Variants in COL4A2 observed in about 807,000 individuals in gnomAD.
COL4A2 encodes the protein collagen alpha-2(IV) chain.
Under a neutral mutation model 200.2 loss-of-function variants are expected in COL4A2, and 99 were observed. The observed-to-expected ratio is 0.49, with a 90% CI of 0.42 to 0.58. The LOEUF (loss-of-function observed/expected upper bound fraction) is 0.58, where lower values mean the gene tolerates loss of function less well. Ranked by LOEUF, COL4A2 falls within the 20% of genes least tolerant of loss-of-function variation. COL4A2 has a pLI of 0.00. For synonymous variants in COL4A2, 897 were observed against 900.6 expected (o/e 1.00, Z 0.07); for missense variants, 1,950 against 2,314.1 (o/e 0.84, Z 3.23).
chr13:110,345,994 C>T (rs553238880), intron 3 of COL4A2, among the ~76,000 whole-genome samples: 61 of 152,238 alleles, frequency 4.0e-4, no homozygotes, highest in Admixed American at 2.0e-3. Context: ...TGGGATCCTG[C>T]CCACACCCAG....
At chr13:110,361,647 A>G (rs768321847) in intron 4 of COL4A2, among the ~76,000 whole-genome samples, 1 of 152,250 alleles carries the variant, frequency 6.6e-6, no homozygotes, top group African/African-American at 2.4e-5. Context: ...TCATGTGACC[A>G]GTGAATGAGC....
chr13:110,437,894 G>A (rs2139466071), intron 13 of COL4A2, 108 bp from the exon 14 acceptor site: 1 of 893,756 alleles, frequency 1.1e-6, no homozygotes, highest in South Asian at 1.4e-5. Flanking sequence ...TGATGATTGT[G>A]TGAGGATTGA....
intron 47 of COL4A2, among the ~76,000 whole-genome samples, chr13:110,509,118 A>T (rs1490453090): frequency 6.6e-6 from 1 of 151,804 alleles, no homozygotes; most frequent in African/African-American, 2.4e-5. Context: ...TCTGTATACT[A>T]TTGTAGGGAG....
intron 4 of COL4A2, among the ~76,000 whole-genome samples, chr13:110,407,837 C>T (rs2139436331): frequency 6.6e-6 from 1 of 152,276 alleles, no homozygotes; most frequent in Admixed American, 6.5e-5. Flanking sequence ...TGAAGCCTGG[C>T]TTGTGGGCCT....
At chr13:110,498,760 C>G (rs887342833) in intron 40 of COL4A2, among the ~76,000 whole-genome samples, 1 of 152,194 alleles carries the variant, frequency 6.6e-6, no homozygotes, top group Non-Finnish European at 1.5e-5. Context: ...CAGAACACCC[C>G]TAAGGTAACA....
intron 4 of COL4A2, among the ~76,000 whole-genome samples, chr13:110,413,221 A>T (rs1229104949): frequency 1.3e-5 from 2 of 152,236 alleles, no homozygotes; most frequent in Non-Finnish European, 1.5e-5. Context: ...TTTCGGAGCC[A>T]GGCAGAGGGG....
In COL4A2 at chr13:110,307,942, A is replaced by G; in HGVS notation, c.39A>G (p.Leu13=). The G allele has an allele frequency of 6.2e-6, 10 of 1,612,878 alleles. No homozygotes were observed. Among genetic ancestry groups the G allele is most frequent in the Non-Finnish European group, 8.5e-6 (10 of 1,179,728 alleles). Reference sequence around the variant, plus strand: ...AGCGCGCGGTGGCCGGCCCTGCCCTACGGCGGTAAGCGACTTTCTGCCTGG... The same window carrying G: ...AGCGCGCGGTGGCCGGCCCTGCCCTGCGGCGGTAAGCGACTTTCTGCCTGG... ...RDQRAVAGPA[L]RRWLLLGTVT... The change falls in exon 2 of 48, where the codon CTA becomes CTG. Residue 13 remains leucine (L), a synonymous_variant. Coordinates refer to ENST00000360467, the MANE Select transcript of COL4A2 (RefSeq NM_001846.4). The surrounding 1 kb of genome is among the most constrained non-coding windows in gnomAD (Gnocchi z 5.0).
intron 45 of COL4A2, among the ~76,000 whole-genome samples, chr13:110,505,897 A>G (rs1883845577): frequency 6.6e-6 from 1 of 152,118 alleles, no homozygotes; most frequent in African/African-American, 2.4e-5. Flanking sequence ...ATGCCTACCT[A>G]TGGCTGACTG....
At chr13:110,478,756 A>G (rs1046276060) in intron 30 of COL4A2, among the ~76,000 whole-genome samples, 9 of 152,216 alleles carry the variant, frequency 5.9e-5, no homozygotes, top group African/African-American at 2.2e-4. Flanking sequence ...GGAGGAATCA[A>G]TGTACTTTCC....
chr13:110,509,298 A>ACACAC (rs1566575736), intron 47 of COL4A2, among the ~76,000 whole-genome samples: 34 of 122,638 alleles, frequency 2.8e-4, no homozygotes, highest in African/African-American at 1.0e-3. Context: ...CACACACACA[A>ACACAC]CATAAAATAT....
intron 36 of COL4A2, among the ~76,000 whole-genome samples, chr13:110,490,980 C>T (rs1176280168): frequency 6.6e-6 from 1 of 152,098 alleles, no homozygotes; most frequent in East Asian, 1.9e-4. Context: ...ACCCATCATC[C>T]CTGGGGGTGT....
intron 34 of COL4A2, among the ~76,000 whole-genome samples, chr13:110,486,154 A>T (rs967846400): frequency 2.0e-5 from 3 of 152,206 alleles, no homozygotes; most frequent in Non-Finnish European, 4.4e-5. Flanking sequence ...AAAATTGAGC[A>T]CATCAGTGAC....
At chr13:110,439,673 G>T in intron 15 of COL4A2, 116 bp from the exon 16 acceptor site, 1 of 1,539,564 alleles carries the variant, frequency 6.5e-7, no homozygotes, top group Non-Finnish European at 8.8e-7. Flanking sequence ...CCTGAGACTT[G>T]TTCAATCTGT....
intron 3 of COL4A2, among the ~76,000 whole-genome samples, chr13:110,323,120 T>A (rs1023971356): frequency 6.6e-6 from 1 of 152,232 alleles, no homozygotes; most frequent in African/African-American, 2.4e-5. Context: ...ACTGATTCTA[T>A]GAAAACTTGC....
At chr13:110,511,751 C>G (rs1402524239) in intron 47 of COL4A2, among the ~76,000 whole-genome samples, 183 bp from the exon 48 acceptor site, 1 of 152,170 alleles carries the variant, frequency 6.6e-6, no homozygotes, top group East Asian at 1.9e-4. Context: ...CTGCAGGGGG[C>G]CCATGTGTAT....
At chr13:110,354,967 T>C (rs764878031) in intron 3 of COL4A2, among the ~76,000 whole-genome samples, 17 of 152,166 alleles carry the variant, frequency 1.1e-4, no homozygotes, top group Admixed American at 2.0e-4. Flanking sequence ...AGGGGAAGGT[T>C]CCAGCAGACC....
At chr13:110,427,246 C>G (rs1476140240) in intron 6 of COL4A2, among the ~76,000 whole-genome samples, 1 of 152,112 alleles carries the variant, frequency 6.6e-6, no homozygotes, top group African/African-American at 2.4e-5. Context: ...GCCACCTGTG[C>G]TCAAGCAATT....
chr13:110,453,325 A>C (rs1881613141), intron 20 of COL4A2, among the ~76,000 whole-genome samples: 1 of 151,936 alleles, frequency 6.6e-6, no homozygotes, highest in African/African-American at 2.4e-5. Context: ...AACATGGTGA[A>C]ACCCCATCTC....
chr13:110,309,231 C>T (rs1279694317), intron 3 of COL4A2, among the ~76,000 whole-genome samples: 1 of 152,218 alleles, frequency 6.6e-6, no homozygotes, highest in African/African-American at 2.4e-5. Flanking sequence ...CTTTACTTTT[C>T]CGCTGCTGTT....
Sources: allele counts gnomAD v4.1 joint callset (sites outside exome capture counted in the v4.1 genomes callset), GRCh38; gene constraint gnomAD v4.1.1; non-coding constraint Gnocchi (gnomAD v3.1); transcripts MANE v1.5; gene names NCBI Gene and HGNC (gene_info 2026-07-23, HGNC 2026-07-21).